Variants in GRIN2A observed in about 807,000 individuals in gnomAD.
GRIN2A encodes glutamate receptor ionotropic, NMDA 2A.
A neutral mutation model predicts 113.4 loss-of-function variants in GRIN2A; 22 were observed. That is an observed-to-expected ratio of 0.19 (90% CI 0.14 to 0.28). GRIN2A has a LOEUF of 0.28. Among genes scored for constraint, GRIN2A ranks in the 10% least tolerant of loss-of-function variants. The pLI, the probability that GRIN2A is intolerant of heterozygous loss-of-function variation, is 1.00. For synonymous variants in GRIN2A, 827 were observed against 738.4 expected, an observed-to-expected ratio of 1.12 and a Z score of -1.94; for missense variants, 1,502 against 1,887.0, an observed-to-expected ratio of 0.80 and a Z score of 3.78.
At chr16:9,896,685 A>G (rs74008868) in intron 3 of GRIN2A, among the ~76,000 whole-genome samples, 3,568 of 151,858 alleles carry the variant, frequency 0.023, 149 homozygotes, top group African/African-American at 0.081. Flanking sequence ...GGAGGGGGGA[A>G]AAAAAAACCT....
At chr16:10,125,892 T>C (rs2048924166) in intron 2 of GRIN2A, among the ~76,000 whole-genome samples, 1 of 151,764 alleles carries the variant, frequency 6.6e-6, no homozygotes, top group Non-Finnish European at 1.5e-5. Flanking sequence ...GCGAGTTCTC[T>C]CCCACTCAGA....
At chr16:10,072,795 C>A (rs571855982) in intron 2 of GRIN2A, among the ~76,000 whole-genome samples, 1 of 147,238 alleles carries the variant, frequency 6.8e-6, no homozygotes, top group East Asian at 1.9e-4. Context: ...AACAAGTTAT[C>A]TGGGTGATTG....
intron 4 of GRIN2A, among the ~76,000 whole-genome samples, chr16:9,854,641 T>C (rs2042937922): frequency 6.6e-6 from 1 of 152,184 alleles, no homozygotes; most frequent in Non-Finnish European, 1.5e-5. Flanking sequence ...TGCTATTCTC[T>C]AAACTGGACC....
intron 2 of GRIN2A, among the ~76,000 whole-genome samples, chr16:9,996,296 A>T (rs992470624): frequency 2.6e-5 from 4 of 152,172 alleles, no homozygotes; most frequent in Non-Finnish European, 5.9e-5. Context: ...CAGAGGGAGC[A>T]GACCTCATTC....
chr16:9,823,195 A>G (rs2042320860), intron 9 of GRIN2A, among the ~76,000 whole-genome samples: 1 of 144,304 alleles, frequency 6.9e-6, no homozygotes, highest in South Asian at 2.1e-4. Context: ...TCGATGTTTC[A>G]GGTGACTCAA....
intron 2 of GRIN2A, among the ~76,000 whole-genome samples, chr16:9,952,366 G>A (rs1428976319): frequency 6.6e-6 from 1 of 152,150 alleles, no homozygotes; most frequent in African/African-American, 2.4e-5. Flanking sequence ...AGTACAGAGA[G>A]GACAGTGTAC....
intron 11 of GRIN2A, among the ~76,000 whole-genome samples, chr16:9,789,266 A>G (rs1167206571): frequency 6.6e-6 from 1 of 152,094 alleles, no homozygotes; most frequent in African/African-American, 2.4e-5. Context: ...GGGAAATACT[A>G]TTTTTTCTTG....
At chr16:9,838,256 A>G (rs1242225729) in intron 7 of GRIN2A, among the ~76,000 whole-genome samples, 2 of 152,156 alleles carry the variant, frequency 1.3e-5, no homozygotes, top group Non-Finnish European at 2.9e-5. Context: ...CAAACAACTA[A>G]AAGTAGATCT....
At chr16:10,090,435 A>G (rs2048165015) in intron 2 of GRIN2A, among the ~76,000 whole-genome samples, 1 of 152,206 alleles carries the variant, frequency 6.6e-6, no homozygotes, top group Admixed American at 6.5e-5. Context: ...TGATAGGAAA[A>G]AGATAGTCTT....
chr16:9,863,645 T>G (rs1055468707), intron 4 of GRIN2A, among the ~76,000 whole-genome samples: 1 of 152,206 alleles, frequency 6.6e-6, no homozygotes, highest in Non-Finnish European at 1.5e-5. Flanking sequence ...TTTGGGGGTT[T>G]CAACCAAGAG....
intron 4 of GRIN2A, among the ~76,000 whole-genome samples, chr16:9,878,708 T>A (rs1415952033): frequency 6.6e-6 from 1 of 152,154 alleles, no homozygotes; most frequent in Non-Finnish European, 1.5e-5. Flanking sequence ...TTTTTTTTGT[T>A]TTAAGTTCTG....
chr16:9,796,097 G>A (rs1166506972), intron 11 of GRIN2A, among the ~76,000 whole-genome samples: 2 of 152,200 alleles, frequency 1.3e-5, no homozygotes, highest in African/African-American at 2.4e-5. Context: ...CATCCAGTAT[G>A]ATGATTGACA....
chr16:10,019,316 T>G (rs912438449), intron 2 of GRIN2A, among the ~76,000 whole-genome samples: 1 of 152,242 alleles, frequency 6.6e-6, no homozygotes, highest in African/African-American at 2.4e-5. Context: ...TGTTTTATAA[T>G]TATCACTATT....
chr16:9,785,947 G>A (rs1902206535), intron 11 of GRIN2A, among the ~76,000 whole-genome samples: 1 of 152,142 alleles, frequency 6.6e-6, no homozygotes. Context: ...TTGTTGAATC[G>A]ATGACTAGAA....
intron 4 of GRIN2A, among the ~76,000 whole-genome samples, chr16:9,878,046 T>G (rs1161555228): frequency 6.6e-6 from 1 of 151,976 alleles, no homozygotes; most frequent in Non-Finnish European, 1.5e-5. Flanking sequence ...TCATCTGAGA[T>G]CATTTAAATA....
chr16:10,098,007 C>T (rs1272906867), intron 2 of GRIN2A, among the ~76,000 whole-genome samples: 3 of 152,146 alleles, frequency 2.0e-5, no homozygotes, highest in Non-Finnish European at 2.9e-5. Flanking sequence ...AAATACACAA[C>T]CCACAGAGTG....
chr16:9,987,678 GAGA>G (rs1168841001), intron 2 of GRIN2A, among the ~76,000 whole-genome samples: 1 of 152,182 alleles, frequency 6.6e-6, no homozygotes, highest in Non-Finnish European at 1.5e-5. Context: ...AAGAAAGATG[GAGA>G]AGGTCTCATT....
At chr16:9,938,673 G>A (rs976964119) in intron 2 of GRIN2A, 122 bp from the exon 3 acceptor site, 5 of 730,122 alleles carry the variant, frequency 6.8e-6, no homozygotes, top group African/African-American at 5.2e-5. Flanking sequence ...ACATTCCTGA[G>A]CATCTACTAT....
intron 2 of GRIN2A, among the ~76,000 whole-genome samples, chr16:9,953,722 C>A (rs544284040): frequency 6.6e-6 from 1 of 152,048 alleles, no homozygotes; most frequent in Non-Finnish European, 1.5e-5. Flanking sequence ...TTAGAAGCCA[C>A]GGGAGTAGAG....
Sources: gnomAD v4.1 joint callset for allele counts (sites outside exome capture counted in the v4.1 genomes callset) on GRCh38, gnomAD v4.1.1 for gene constraint, MANE v1.5 for transcripts, NCBI Gene and HGNC (gene_info 2026-07-23, HGNC 2026-07-21) for gene names.